The following GTF2H5 variants were observed in gnomAD, a reference collection of about 807,000 sequenced individuals.
GTF2H5 encodes the protein TFB5 ortholog.
In GTF2H5, 5 loss-of-function variants were observed where a neutral mutation model predicts 7.1. The ratio of observed to expected loss-of-function variants is 0.71; its 90% CI spans 0.37 to 1.49. The LOEUF (loss-of-function observed/expected upper bound fraction) is 1.49. GTF2H5 is among the 40% of genes most tolerant of loss of function. The pLI is 0.03. For synonymous variants in GTF2H5, 30 were observed against 31.7 expected (o/e 0.95, Z 0.18); for missense variants, 80 against 83.0 (o/e 0.96, Z 0.14).
At position 158,169,612 on chromosome 6, in the gene GTF2H5, T is replaced by C. The variant is rs1189247861; in HGVS notation, c.-34-858T>C. 4.1e-4 allele frequency among the ~76,000 whole-genome samples: 30 copies of C among 73,722 alleles called. 4 individuals are homozygous for C. Among genetic ancestry groups the C allele is most frequent in the African/African-American group, 1.6e-3 (27 of 16,592 alleles). The allele number at this position is 73,722 out of a possible 152,430, so 48.4% of individuals were successfully genotyped here. A position where few individuals can be genotyped will look rare whatever the true frequency, so the allele number is the denominator to read the frequency against. ...TATATTGTATATTACATATATTGTA[T>C]ATTACATATAATATATTGTATATTA... is the stretch of plus-strand genomic sequence containing the variant. On this transcript the variant is annotated intron_variant, in intron 1 of 2. Coordinates refer to ENST00000607778, the MANE Select transcript of GTF2H5 (RefSeq NM_207118.3).
intron 1 of GTF2H5, among the ~76,000 whole-genome samples, chr6:158,169,733 GTATATTATATATTATATAA>G (rs1785803725): frequency 4.2e-5 from 3 of 72,246 alleles, no homozygotes; most frequent in Admixed American, 2.3e-4. Context: ...ATAATATATT[GTATATTATATATTATATAA>G]TATATTGTAT....
intron 2 of GTF2H5, among the ~76,000 whole-genome samples, chr6:158,172,547 C>T (rs1353158537): frequency 6.6e-6 from 1 of 152,050 alleles, no homozygotes; most frequent in Non-Finnish European, 1.5e-5. Flanking sequence ...ATCCACCTGC[C>T]CCGGCCTCCC....
chr6:158,196,136 G>T lies in GTF2H5; in HGVS notation c.*3979G>T. 6.6e-6 allele frequency: 1 copy of T among 152,328 alleles called. No homozygotes were observed. The highest frequency in any genetic ancestry group is 1.5e-5 in the Non-Finnish European group (1 of 68,112). 9.4% of individuals were successfully genotyped at this position (152,328 alleles called of 1,614,324 possible). A position where few individuals can be genotyped will look rare whatever the true frequency, so the allele number is the denominator to read the frequency against. On this transcript the variant is annotated 3_prime_UTR_variant, in exon 3 of 3. Coordinates refer to ENST00000607778, the MANE Select transcript of GTF2H5 (RefSeq NM_207118.3). ...CTCTACTAAAAATACAAAAAAATTA[G>T]CTGGGCATGGTGGTGGACGCCTGTA...
At chr6:158,176,719 C>G (rs1785939772) in intron 2 of GTF2H5, among the ~76,000 whole-genome samples, 1 of 152,112 alleles carries the variant, frequency 6.6e-6, no homozygotes, top group Non-Finnish European at 1.5e-5. Context: ...TCAGGGGTCT[C>G]ACAGCCTTCA....
chr6:158,197,630 A>G lies in GTF2H5; in HGVS notation c.*5473A>G, dbSNP rs1562478854. The G allele has an allele frequency of 6.6e-6, 1 of 152,160 alleles. No homozygotes were observed. The highest frequency in any genetic ancestry group is 1.5e-5 in the Non-Finnish European group (1 of 68,018). 9.4% of individuals were successfully genotyped at this position (152,160 alleles called of 1,614,324 possible). A position where few individuals can be genotyped will look rare whatever the true frequency, so the allele number is the denominator to read the frequency against. The stretch of plus-strand genomic sequence containing the variant: ...CAAATAAAGATATCATCTGCTTATT[A>G]TGAGAGTGTTTCGAGAGAAATCCAA... On this transcript the variant is annotated 3_prime_UTR_variant, in exon 3 of 3. Transcript: ENST00000607778.
Position 158,168,758 on chromosome 6 carries a change from A to G in GTF2H5, c.-35+363A>G, listed in dbSNP as rs1785682605. On this transcript the variant is annotated intron_variant, in intron 1 of 2. Transcript: ENST00000607778. ...TGGCTTGTACTTTTTTCCTTTGGCC[A>G]GGAACTACGGCTTAATCTCTTCCTT... Among the ~76,000 whole-genome samples the G allele has an allele frequency of 2.0e-5, 3 of 152,352 alleles. No individual in the cohort carries two copies. The Middle Eastern group carries it at 0.01, about 518-fold the overall frequency.
intron 2 of GTF2H5, among the ~76,000 whole-genome samples, chr6:158,184,579 A>G (rs1776876063): frequency 6.6e-6 from 1 of 152,228 alleles, no homozygotes; most frequent in Non-Finnish European, 1.5e-5. Flanking sequence ...GCTCTAATCT[A>G]GACACCCATA....
At chr6:158,169,466 A>G (rs1261438833) in intron 1 of GTF2H5, among the ~76,000 whole-genome samples, 5 of 77,402 alleles carry the variant, frequency 6.5e-5, no homozygotes, top group African/African-American at 1.3e-4. Context: ...TATATATTAT[A>G]TTGTATATTA....
At chr6:158,183,691 C>T (rs994430918) in intron 2 of GTF2H5, among the ~76,000 whole-genome samples, 3 of 152,174 alleles carry the variant, frequency 2.0e-5, no homozygotes, top group East Asian at 1.9e-4. Context: ...GCTCCGTGGG[C>T]GTGGGACCCA....
chr6:158,181,118 T>A (rs1467924179), intron 2 of GTF2H5, among the ~76,000 whole-genome samples: 1 of 152,196 alleles, frequency 6.6e-6, no homozygotes, highest in East Asian at 1.9e-4. Context: ...TCTGCGTTAA[T>A]TTTGTTATTT....
chr6:158,174,156 A>G (rs923431591), intron 2 of GTF2H5, among the ~76,000 whole-genome samples: 5 of 151,992 alleles, frequency 3.3e-5, no homozygotes, highest in Non-Finnish European at 5.9e-5. Flanking sequence ...TTGTCTTGGA[A>G]ACTAGTCCTG....
intron 1 of GTF2H5, among the ~76,000 whole-genome samples, chr6:158,169,047 A>G (rs1051368066): frequency 6.6e-6 from 1 of 151,752 alleles, no homozygotes; most frequent in African/African-American, 2.4e-5. Flanking sequence ...CAGCCTGGCC[A>G]ACATGGTGAA....
At position 158,194,566 on chromosome 6, in the gene GTF2H5, G is replaced by A. The variant is rs1009723357; in HGVS notation, c.*2409G>A. 7 of 152,208 alleles carry A rather than the reference G, an allele frequency of 4.6e-5. No individual in the cohort carries two copies. The highest frequency in any genetic ancestry group is 9.7e-5 in the African/African-American group (4 of 41,428). The allele number at this position is 152,208 out of a possible 1,614,324, so 9.4% of individuals were successfully genotyped here. On this transcript the variant is annotated 3_prime_UTR_variant, in exon 3 of 3. Transcript: ENST00000607778. ...AGGCTTTATGGTGTATCTCTTGAGCGAAATCCTGGGAACTTCGTACATTGC... is the reference window on the plus strand; with the variant it reads ...AGGCTTTATGGTGTATCTCTTGAGCAAAATCCTGGGAACTTCGTACATTGC...
Position 158,196,283 on chromosome 6 carries a change from T to A in GTF2H5, c.*4126T>A, listed in dbSNP as rs1161850247. The A allele has an allele frequency of 6.6e-6, 1 of 151,956 alleles. No homozygotes were observed. Among genetic ancestry groups the A allele is most frequent in the African/African-American group, 2.4e-5 (1 of 41,370 alleles). The allele number at this position is 151,956 out of a possible 1,614,324, so 9.4% of individuals were successfully genotyped here. On this transcript the variant is annotated 3_prime_UTR_variant, in exon 3 of 3. Coordinates refer to ENST00000607778, the MANE Select transcript of GTF2H5 (RefSeq NM_207118.3). Reference sequence around the variant, plus strand: ...GGTGACAGAGCGAGACTCCCACCCATCTCAAAAAAAATAAAAATGAAAAGC... The same window carrying A: ...GGTGACAGAGCGAGACTCCCACCCAACTCAAAAAAAATAAAAATGAAAAGC...
At position 158,169,722 on chromosome 6, in the gene GTF2H5, TATAATATATTGTATATTATATATTATATA is replaced by T. The variant is rs1785801299; in HGVS notation, c.-34-744_-34-716del. 2.0e-5 allele frequency among the ~76,000 whole-genome samples: 2 copies of T among 101,392 alleles called. 1 individual carries two copies. The highest frequency in any genetic ancestry group is 5.0e-4 in the South Asian group (2 of 4,012). The allele number at this position is 101,392 out of a possible 152,430, so 66.5% of individuals were successfully genotyped here. A position where few individuals can be genotyped will look rare whatever the true frequency, so the allele number is the denominator to read the frequency against. ...ATAATATATTGTATATTATATATTA[TATAATATATTGTATATTATATATTATATA>T]ATATATTGTATATTATATATAATAT... On this transcript the variant is annotated intron_variant, in intron 1 of 2. Transcript: ENST00000607778.
intron 2 of GTF2H5, among the ~76,000 whole-genome samples, chr6:158,185,417 G>A (rs535252962): frequency 6.6e-6 from 1 of 151,798 alleles, no homozygotes; most frequent in East Asian, 1.9e-4. Context: ...GCGTGCGCCT[G>A]TAGACCCAGT....
At chr6:158,180,078 C>T (rs1435013299) in intron 2 of GTF2H5, among the ~76,000 whole-genome samples, 1 of 152,024 alleles carries the variant, frequency 6.6e-6, no homozygotes, top group Non-Finnish European at 1.5e-5. Context: ...TTGTCGAAGG[C>T]CTTTTCTGCT....
chr6:158,172,855 T>C (rs1785876110), intron 2 of GTF2H5, among the ~76,000 whole-genome samples: 1 of 152,148 alleles, frequency 6.6e-6, no homozygotes, highest in African/African-American at 2.4e-5. Flanking sequence ...ACGTTTTAAT[T>C]TGAAAAAAAA....
At chr6:158,185,059 A>T (rs1294988411) in intron 2 of GTF2H5, among the ~76,000 whole-genome samples, 3 of 151,076 alleles carry the variant, frequency 2.0e-5, no homozygotes, top group Non-Finnish European at 4.4e-5. Context: ...GCTACTCTCA[A>T]TATAGAAGTG....
Sources: allele counts gnomAD v4.1 joint callset (sites outside exome capture counted in the v4.1 genomes callset), GRCh38; gene constraint gnomAD v4.1.1; transcripts MANE v1.5; gene names NCBI Gene and HGNC (gene_info 2026-07-23, HGNC 2026-07-21).